The following AFAP1L1 variants were observed in gnomAD, a reference collection of about 807,000 sequenced individuals.
The protein encoded by AFAP1L1 is actin filament-associated protein 1-like 1.
In AFAP1L1, 77 loss-of-function variants were observed where a neutral mutation model predicts 99.8. That is an observed-to-expected ratio of 0.77 (90% confidence interval 0.64 to 0.93). The LOEUF (loss-of-function observed/expected upper bound fraction) is 0.93, where lower values mean the gene tolerates loss of function less well. Among genes scored for constraint, AFAP1L1 ranks in the 40% least tolerant of loss-of-function variants. The pLI is 0.00. For synonymous variants in AFAP1L1, 373 were observed against 395.3 expected (o/e 0.94, Z 0.67); for missense variants, 893 against 996.8 (o/e 0.90, Z 1.40).
At chr5:149,283,418 T>A (rs1755580645) in intron 1 of AFAP1L1, among the ~76,000 whole-genome samples, 1 of 152,178 alleles carries the variant, frequency 6.6e-6, no homozygotes, top group Non-Finnish European at 1.5e-5. Flanking sequence ...TTGGAGAATT[T>A]TTTTTTCTGA....
Position 149,299,550 on chromosome 5 carries a change from C to T in AFAP1L1, c.58C>T (p.Leu20Phe), listed in dbSNP as rs1473096022. Residue 20 changes from leucine (L) to phenylalanine (F), a missense_variant, in exon 2 of 19, where the codon CTC (leucine) becomes TTC (phenylalanine). Leu to Phe is a conservative substitution (Grantham distance 22). Coordinates refer to ENST00000296721, the MANE Select transcript of AFAP1L1 (RefSeq NM_152406.4). ...LLPELTGLLS[L>F]LDHEYLSDTT... ...CCCAGAGCTCACCGGGCTGCTCAGC[C>T]TCCTGGACCACGAGTACCTCAGCGA... The T allele has an allele frequency of 1.2e-6, 2 of 1,614,076 alleles. No homozygotes were observed. The highest frequency in any genetic ancestry group is 1.7e-6 in the Non-Finnish European group (2 of 1,180,030).
intron 16 of AFAP1L1, 48 bp from the exon 17 acceptor site, chr5:149,332,647 C>A: frequency 6.4e-7 from 1 of 1,573,666 alleles, no homozygotes. Context: ...GATTCCCTGA[C>A]ATTTCAGGTC....
chr5:149,341,556 A>G lies in AFAP1L1; in HGVS notation c.*1526A>G, dbSNP rs1407404158. On this transcript the variant is annotated 3_prime_UTR_variant, in exon 19 of 19. Coordinates refer to ENST00000296721, the MANE Select transcript of AFAP1L1 (RefSeq NM_152406.4). Reference sequence around the variant, plus strand: ...TTTAATAAGATAATATATAGTAGGCATCTTGCATAGTGTCTGAGAAATAAG... The same window carrying G: ...TTTAATAAGATAATATATAGTAGGCGTCTTGCATAGTGTCTGAGAAATAAG... 6.6e-6 allele frequency: 1 copy of G among 152,332 alleles called. No individual in the cohort carries two copies. The highest frequency in any genetic ancestry group is 2.4e-5 in the African/African-American group (1 of 41,568). 9.4% of individuals were successfully genotyped at this position (152,332 alleles called of 1,614,324 possible). A position where few individuals can be genotyped will look rare whatever the true frequency, so the allele number is the denominator to read the frequency against.
intron 1 of AFAP1L1, among the ~76,000 whole-genome samples, chr5:149,283,101 C>A (rs936352518): frequency 3.3e-5 from 5 of 152,218 alleles, no homozygotes; most frequent in African/African-American, 1.2e-4. Context: ...CTAATCCTAT[C>A]TCATTGATTC....
At chr5:149,307,676 T>C (rs961987233) in intron 7 of AFAP1L1, 63 bp downstream of exon 7, 12 of 1,507,680 alleles carry the variant, frequency 8.0e-6, no homozygotes, top group Non-Finnish European at 1.1e-5. Context: ...GGTGTGTCTC[T>C]ACATACATGT....
intron 1 of AFAP1L1, among the ~76,000 whole-genome samples, chr5:149,282,263 T>C (rs956530466): frequency 5.9e-5 from 9 of 152,304 alleles, no homozygotes; most frequent in African/African-American, 2.2e-4. Context: ...TTGGGGGCTT[T>C]TTATAGCCCT....
chr5:149,322,004 A>C (rs1042003412), intron 14 of AFAP1L1, among the ~76,000 whole-genome samples: 3 of 152,224 alleles, frequency 2.0e-5, no homozygotes, highest in African/African-American at 7.2e-5. Flanking sequence ...GCACTCAAAA[A>C]AAGAAATTAG....
At chr5:149,335,830 C>A in intron 18 of AFAP1L1, 108 bp downstream of exon 18, 1 of 1,441,702 alleles carries the variant, frequency 6.9e-7, no homozygotes, top group Non-Finnish European at 9.4e-7. Flanking sequence ...AGAGAATTGC[C>A]AATGCATTTA....
intron 1 of AFAP1L1, among the ~76,000 whole-genome samples, chr5:149,272,739 G>T (rs11952673): frequency 0.33 from 50,328 of 152,004 alleles, 9,309 homozygotes; most frequent in East Asian, 0.58. Flanking sequence ...TTTCGCTCTT[G>T]TTGCCCAGGC....
chr5:149,276,805 T>C (rs1169678934), intron 1 of AFAP1L1: 1 of 152,246 alleles, frequency 6.6e-6, no homozygotes, highest in Non-Finnish European at 1.5e-5. Context: ...CAGCTTTGTG[T>C]ACAACTCAAA....
At chr5:149,317,211 G>A (rs553622534) in intron 11 of AFAP1L1, among the ~76,000 whole-genome samples, 1 of 152,284 alleles carries the variant, frequency 6.6e-6, no homozygotes, top group East Asian at 1.9e-4. Flanking sequence ...GAAATATTTT[G>A]TAATTAGTGA....
intron 5 of AFAP1L1, among the ~76,000 whole-genome samples, chr5:149,306,048 G>T (rs763103918): frequency 2.0e-5 from 3 of 152,358 alleles, no homozygotes; most frequent in South Asian, 2.1e-4. Flanking sequence ...AAGACAGAGA[G>T]CACAGGGAAC....
At chr5:149,332,947 G>T in intron 17 of AFAP1L1, 74 bp downstream of exon 17, 3 of 1,439,054 alleles carry the variant, frequency 2.1e-6, no homozygotes, top group Non-Finnish European at 2.7e-6. Context: ...TCTTCTTCAT[G>T]ATCATTCTTT....
At chr5:149,299,405 C>T (rs1411627151) in intron 1 of AFAP1L1, 104 bp from the exon 2 acceptor site, 8 of 1,492,734 alleles carry the variant, frequency 5.4e-6, no homozygotes, top group Non-Finnish European at 7.2e-6. Context: ...CCGGACCTGC[C>T]CTCTGACCCC....
chr5:149,280,783 G>A (rs1026126519), intron 1 of AFAP1L1, among the ~76,000 whole-genome samples: 2 of 152,040 alleles, frequency 1.3e-5, no homozygotes, highest in Non-Finnish European at 2.9e-5. Context: ...TGGACCTTCG[G>A]AGATGCATTG....
rs1046305941 is a variant in AFAP1L1, at chr5:149,340,317, T to C, written c.*287T>C. On this transcript the variant is annotated 3_prime_UTR_variant, in exon 19 of 19. Coordinates refer to ENST00000296721, the MANE Select transcript of AFAP1L1 (RefSeq NM_152406.4). ...GCTGTAAAGGTTTTATAGATGTCTT[T>C]GCCTTCCCTTCTGAGGAAGGGAAGA... 8.5e-6 allele frequency: 3 copies of C among 353,358 alleles called. No homozygotes were observed. In the South Asian group the frequency reaches 1.8e-4, roughly 21 times the overall value. The allele number at this position is 353,358 out of a possible 1,614,324, so 21.9% of individuals were successfully genotyped here. A position where few individuals can be genotyped will look rare whatever the true frequency, so the allele number is the denominator to read the frequency against.
chr5:149,283,334 A>G (rs1236135917), intron 1 of AFAP1L1, among the ~76,000 whole-genome samples: 3 of 152,172 alleles, frequency 2.0e-5, no homozygotes, highest in Non-Finnish European at 4.4e-5. Context: ...GAGCCCACCT[A>G]GGTTCAGTGG....
In AFAP1L1 at chr5:149,320,331, C is replaced by A; in HGVS notation, c.1626-60C>A. 4 of 1,528,828 alleles carry A rather than the reference C, an allele frequency of 2.6e-6. No individual in the cohort carries two copies. Among genetic ancestry groups the A allele is most frequent in the South Asian group, 1.1e-5 (1 of 88,984 alleles). The allele number at this position is 1,528,828 out of a possible 1,614,324, so 94.7% of individuals were successfully genotyped here. On this transcript the variant is annotated intron_variant, in intron 13 of 18. Transcript: ENST00000296721. This position sits in a 1 kb window ranked among gnomAD's most constrained non-coding sequence, Gnocchi z 4.0. ...ATCAATGAGAGTGAGGACACGAAAG[C>A]ACTGTAAGCTGCAAAGCATCATTGT...
chr5:149,289,999 C>T (rs905070867), intron 1 of AFAP1L1, among the ~76,000 whole-genome samples: 5 of 152,198 alleles, frequency 3.3e-5, no homozygotes, highest in Non-Finnish European at 5.9e-5. Flanking sequence ...TTTGGGAGGC[C>T]GAGGCGGGTG....
Sources: gnomAD v4.1 joint callset for allele counts (sites outside exome capture counted in the v4.1 genomes callset) on GRCh38, gnomAD v4.1.1 for gene constraint, Gnocchi (gnomAD v3.1) non-coding constraint, MANE v1.5 for transcripts, NCBI Gene and HGNC (gene_info 2026-07-23, HGNC 2026-07-21) for gene names.